Variants in GLRA2 observed in about 807,000 individuals in gnomAD.
The protein encoded by GLRA2 is glycine receptor subunit alpha-2.
GLRA2 carries 11 observed loss-of-function variants against 31.6 expected under a neutral mutation model. The observed-to-expected ratio is 0.35, with a 90% CI of 0.22 to 0.58. The LOEUF (loss-of-function observed/expected upper bound fraction) is 0.58, where lower values mean the gene tolerates loss of function less well. Ranked by LOEUF, GLRA2 falls within the 20% of genes least tolerant of loss-of-function variation. The pLI, the probability that GLRA2 is intolerant of heterozygous loss-of-function variation, is 0.84. For synonymous variants in GLRA2, 132 were observed against 134.0 expected, an observed-to-expected ratio of 0.99 and a Z score of 0.10; for missense variants, 212 against 351.8, an observed-to-expected ratio of 0.60 and a Z score of 3.18.
At chrX:14,614,113 C>T (rs1283624311) in intron 7 of GLRA2, among the ~76,000 whole-genome samples, 1 of 111,546 alleles carries the variant, frequency 9.0e-6, no homozygotes, top group African/African-American at 3.3e-5. Context: ...ATGTGGAGCA[C>T]TTTGTCTGTT....
chrX:14,489,505 C>A, the GLRA2 span, among the ~76,000 whole-genome samples: 2 of 112,088 alleles, frequency 1.8e-5, no homozygotes, highest in African/African-American at 6.5e-5. Flanking sequence ...AGACTCTTAG[C>A]GAGGTAAGAG....
the GLRA2 span, among the ~76,000 whole-genome samples, chrX:14,493,478 TAAA>T: frequency 9.4e-6 from 1 of 105,848 alleles, no homozygotes; most frequent in Non-Finnish European, 1.9e-5. Flanking sequence ...AATTTAAAAA[TAAA>T]AACAGTGTCT....
rs751925578 is a variant in GLRA2 at position 14,722,631 on chromosome X, C to T, written c.1081-7576C>T. On this transcript the variant is annotated intron_variant, in intron 8 of 8. Coordinates refer to ENST00000218075, the MANE Select transcript of GLRA2 (RefSeq NM_002063.4). ...TATTGTTGTGGCTATCTTTGGCAAA[C>T]ACAATATAATACAGTCTGTGACTTC... Among the ~76,000 whole-genome samples the T allele has an allele frequency of 9.0e-5, 10 of 111,524 alleles. No individual in the cohort carries two copies. The South Asian group carries it at 3.4e-3, about 38-fold the overall frequency.
At chrX:14,676,352 AT>A (rs1190068290) in intron 7 of GLRA2, among the ~76,000 whole-genome samples, 1 of 112,606 alleles carries the variant, frequency 8.9e-6, no homozygotes, top group Admixed American at 9.4e-5. Context: ...GAATATCTGA[AT>A]ATTTTGAGAT....
At position 14,529,991 on chromosome X, in the gene GLRA2, A is replaced by G; in HGVS notation, c.-67A>G. ...AATTTTGAATCTGGACAATAAACAG[A>G]CACTTTGTCCTAGCATCTTTCTGGA... On this transcript the variant is annotated 5_prime_UTR_variant, in exon 1 of 9. Transcript: ENST00000218075. 1 of 818,219 alleles carries G rather than the reference A, an allele frequency of 1.2e-6. No individual in the cohort carries two copies. 67.4% of individuals were successfully genotyped at this position (818,219 alleles called of 1,213,427 possible). A position where few individuals can be genotyped will look rare whatever the true frequency, so the allele number is the denominator to read the frequency against.
the GLRA2 span, among the ~76,000 whole-genome samples, chrX:14,487,199 TA>T: frequency 2.7e-5 from 3 of 109,945 alleles, no homozygotes; most frequent in Non-Finnish European, 3.8e-5. Flanking sequence ...TTAAATTATT[TA>T]AAATTAATTT....
At chrX:14,511,189 C>T in the GLRA2 span, among the ~76,000 whole-genome samples, 2 of 111,842 alleles carry the variant, frequency 1.8e-5, no homozygotes, top group South Asian at 7.3e-4. Context: ...TATTATTTGG[C>T]CTTATCTTTA....
At chrX:14,507,007 T>C in the GLRA2 span, among the ~76,000 whole-genome samples, 1 of 111,873 alleles carries the variant, frequency 8.9e-6, no homozygotes, top group African/African-American at 3.3e-5. Context: ...AAAATCTTTA[T>C]TTGAGTAATT....
At chrX:14,475,338 A>C in the GLRA2 span, among the ~76,000 whole-genome samples, 1 of 112,485 alleles carries the variant, frequency 8.9e-6, no homozygotes, top group Non-Finnish European at 1.9e-5. Context: ...CAACACTATA[A>C]ACTCCACAAC....
intron 2 of GLRA2, among the ~76,000 whole-genome samples, chrX:14,562,065 A>G (rs1295472466): frequency 8.9e-6 from 1 of 112,470 alleles, no homozygotes; most frequent in Non-Finnish European, 1.9e-5. Flanking sequence ...TAGTCAAATA[A>G]GTTTGGGAAA....
intron 4 of GLRA2, among the ~76,000 whole-genome samples, chrX:14,601,005 T>TG (rs1267895356): frequency 1.5e-5 from 1 of 64,791 alleles, no homozygotes; most frequent in African/African-American, 5.9e-5. Context: ...GTTGTTGTTT[T>TG]TTTTTTTGTT....
intron 8 of GLRA2, among the ~76,000 whole-genome samples, chrX:14,711,711 T>G (rs1016856863): frequency 3.6e-5 from 4 of 112,371 alleles, no homozygotes; most frequent in African/African-American, 1.3e-4. Context: ...TCATCTCTAT[T>G]TTACTACAAA....
intron 2 of GLRA2, among the ~76,000 whole-genome samples, chrX:14,540,972 G>C (rs1358805597): frequency 9.1e-6 from 1 of 109,696 alleles, no homozygotes; most frequent in African/African-American, 3.3e-5. Context: ...AAGAGAGCAA[G>C]GGATAGAGAG....
chrX:14,454,179 C>CA, the GLRA2 span, among the ~76,000 whole-genome samples: 3 of 4,818 alleles, frequency 6.2e-4, no homozygotes, highest in African/African-American at 3.7e-3. Context: ...CACACCCACA[C>CA]CCACACACCC....
intron 7 of GLRA2, among the ~76,000 whole-genome samples, chrX:14,618,264 G>A (rs1383700299): frequency 8.9e-6 from 1 of 111,770 alleles, no homozygotes; most frequent in Non-Finnish European, 1.9e-5. Flanking sequence ...CCAGGAAGGA[G>A]CAGGATGCTG....
At chrX:14,679,111 A>G (rs1483828117) in intron 7 of GLRA2, among the ~76,000 whole-genome samples, 2 of 110,188 alleles carry the variant, frequency 1.8e-5, no homozygotes, top group African/African-American at 6.6e-5. Context: ...CACCACCACC[A>G]CCACCACCAC....
At position 14,629,386 on chromosome X, in the gene GLRA2, A is replaced by G. The variant is rs1241979145; in HGVS notation, c.930+20181A>G. ...GAAGCATACTTCCCCATTTAGGGCTATTGTTGGAGCACAGTGTGATTCAGT... is the reference window on the plus strand; with the variant it reads ...GAAGCATACTTCCCCATTTAGGGCTGTTGTTGGAGCACAGTGTGATTCAGT... On this transcript the variant is annotated intron_variant, in intron 7 of 8. Coordinates refer to ENST00000218075, the MANE Select transcript of GLRA2 (RefSeq NM_002063.4). 3.6e-5 allele frequency among the ~76,000 whole-genome samples: 4 copies of G among 111,761 alleles called. No homozygotes were observed. In the East Asian group the frequency reaches 8.6e-4, roughly 24 times the overall value.
intron 7 of GLRA2, among the ~76,000 whole-genome samples, chrX:14,663,962 T>C (rs774462494): frequency 9.0e-6 from 1 of 111,534 alleles, no homozygotes; most frequent in Non-Finnish European, 1.9e-5. Flanking sequence ...CTATATTTTC[T>C]CTCTTTCTTG....
intron 3 of GLRA2, among the ~76,000 whole-genome samples, chrX:14,577,137 G>C (rs1157768071): frequency 8.9e-6 from 1 of 112,863 alleles, no homozygotes; most frequent in Non-Finnish European, 1.9e-5. Context: ...TCACAACTAT[G>C]TGATTCTGCC....
Sources: gnomAD v4.1 joint callset for allele counts (sites outside exome capture counted in the v4.1 genomes callset) on GRCh38, gnomAD v4.1.1 for gene constraint, MANE v1.5 for transcripts, NCBI Gene and HGNC (gene_info 2026-07-23, HGNC 2026-07-21) for gene names.